Variants in XRN1 observed in about 807,000 individuals in gnomAD.
XRN1 encodes the protein 5'-3' exoribonuclease 1, also known as strand-exchange protein 1 homolog.
Under a neutral mutation model 222.3 loss-of-function variants are expected in XRN1, and 67 were observed. The observed-to-expected ratio is 0.30, with a 90% CI of 0.25 to 0.37. The LOEUF is 0.37. Among genes scored for constraint, XRN1 ranks in the 10% least tolerant of loss-of-function variants. The pLI, the probability that XRN1 is intolerant of heterozygous loss-of-function variation, is 1.00. For missense variants in XRN1, 1,707 were observed against 2,000.2 expected (o/e 0.85, Z 2.80); for synonymous variants, 643 against 652.4 (o/e 0.99, Z 0.22).
At chr3:142,359,963 A>G (rs2066571480) in intron 29 of XRN1, 32 bp from the exon 30 acceptor site, 4 of 1,461,882 alleles carry the variant, frequency 2.7e-6, no homozygotes, top group Non-Finnish European at 3.7e-6. Flanking sequence ...AAGAGACACT[A>G]AAAAATCATA....
intron 37 of XRN1, among the ~76,000 whole-genome samples, chr3:142,327,543 C>A (rs929759054): frequency 4.7e-4 from 70 of 150,256 alleles, no homozygotes; most frequent in African/African-American, 1.6e-3. Flanking sequence ...AAAAAAAAAA[C>A]AACTTTTTCT....
At chr3:142,387,443 T>TAA (rs2107960664) in intron 20 of XRN1, among the ~76,000 whole-genome samples, 1 of 152,268 alleles carries the variant, frequency 6.6e-6, no homozygotes, top group East Asian at 1.9e-4. Context: ...ATTCATCAAG[T>TAA]AATATACTTA....
chr3:142,379,114 T>C (rs373673989), intron 23 of XRN1, among the ~76,000 whole-genome samples: 1 of 146,898 alleles, frequency 6.8e-6, no homozygotes, highest in Non-Finnish European at 1.5e-5. Flanking sequence ...AAAAAAAAAA[T>C]ACAAAATTTA....
chr3:142,364,960 T>C, intron 29 of XRN1, 87 bp downstream of exon 29: 1 of 1,372,514 alleles, frequency 7.3e-7, no homozygotes, highest in South Asian at 1.5e-5. Flanking sequence ...ATAGTCACTT[T>C]CTGGTTAGAT....
At chr3:142,424,283 A>T (rs1277366880) in intron 5 of XRN1, among the ~76,000 whole-genome samples, 3 of 152,042 alleles carry the variant, frequency 2.0e-5, no homozygotes, top group Non-Finnish European at 4.4e-5. Flanking sequence ...TTTAGTAGAG[A>T]TGGGGTTTAG....
intron 1 of XRN1, chr3:142,434,873 A>G (rs1007261562): frequency 7.2e-5 from 11 of 152,204 alleles, no homozygotes; most frequent in Non-Finnish European, 4.4e-5. Context: ...ATCTTACGCT[A>G]AAACAAAAGA....
chr3:142,439,596 AGG>A (rs534769155), intron 1 of XRN1, among the ~76,000 whole-genome samples: 7 of 152,364 alleles, frequency 4.6e-5, no homozygotes, highest in Admixed American at 3.3e-4. Context: ...CTAATCTTAA[AGG>A]ACAAGTTTAT....
In XRN1 at chr3:142,418,774, G is replaced by C. The variant is rs747503190; in HGVS notation, c.1240+41C>G. On this transcript the variant is annotated intron_variant, in intron 11 of 40. Transcript: ENST00000392981. Reference sequence around the variant, plus strand: ...AAATAAAAGGTATAACAATTATCCTGTCAAAGTAGTAACATATCAAAACAC... The same window carrying C: ...AAATAAAAGGTATAACAATTATCCTCTCAAAGTAGTAACATATCAAAACAC... The C allele has an allele frequency of 1.1e-5, 18 of 1,594,986 alleles. No homozygotes were observed. In the South Asian group the frequency reaches 1.9e-4, roughly 17 times the overall value.
intron 2 of XRN1, among the ~76,000 whole-genome samples, chr3:142,428,974 C>T (rs1016338417): frequency 7.8e-4 from 119 of 151,744 alleles, no homozygotes; most frequent in African/African-American, 2.6e-3. Flanking sequence ...ATTTAAGAAA[C>T]ACAAAGGAAG....
intron 15 of XRN1, among the ~76,000 whole-genome samples, chr3:142,412,014 C>T (rs545296678): frequency 2.1e-4 from 32 of 151,764 alleles, no homozygotes; most frequent in Admixed American, 1.8e-3. Flanking sequence ...TTAGTAGAGA[C>T]GGGGTTTCAC....
At position 142,418,844 on chromosome 3, in the gene XRN1, T is replaced by C; in HGVS notation, c.1211A>G (p.Lys404Arg). Residue 404 changes from lysine (K) to arginine (R), a missense_variant, in exon 11 of 41, where the codon AAA becomes AGA. This residue lies in a region of XRN1 where 1,234 missense variants were observed against 1,518.2 expected (regional missense o/e 0.81). Coordinates refer to ENST00000392981, the MANE Select transcript of XRN1 (RefSeq NM_001282857.2). Reference sequence around the variant, plus strand: ...AGAAGTTATCATTTCGCCTTCATTTTTGTCTAAAGCAGTCCAACACAGAGA... The same window carrying C: ...AGAAGTTATCATTTCGCCTTCATTTCTGTCTAAAGCAGTCCAACACAGAGA... ...ENSLCWTALD[K>R]NEGEMITSKD... is the part of the protein sequence containing the mutation. 1 of 1,614,060 alleles carries C rather than the reference T, an allele frequency of 6.2e-7. No individual in the cohort carries two copies. Among genetic ancestry groups the C allele is most frequent in the Non-Finnish European group, 8.5e-7 (1 of 1,179,962 alleles).
At chr3:142,390,784 C>T (rs987903095) in intron 20 of XRN1, among the ~76,000 whole-genome samples, 1 of 152,156 alleles carries the variant, frequency 6.6e-6, no homozygotes, top group Non-Finnish European at 1.5e-5. Context: ...TTTGACATGC[C>T]TTCTTCACTA....
intron 29 of XRN1, among the ~76,000 whole-genome samples, chr3:142,362,168 C>T (rs554253552): frequency 9.7e-4 from 147 of 151,258 alleles, no homozygotes; most frequent in African/African-American, 3.3e-3. Context: ...GATGGAGTCT[C>T]GATCTGTCGC....
At chr3:142,418,284 A>G in intron 12 of XRN1, 3 of 442,384 alleles carry the variant, frequency 6.8e-6, no homozygotes, top group Admixed American at 4.1e-5. Flanking sequence ...ATCCTTATAC[A>G]TAAGGATCAT....
At chr3:142,446,013 A>G (rs897239410) in intron 1 of XRN1, among the ~76,000 whole-genome samples, 11 of 152,236 alleles carry the variant, frequency 7.2e-5, no homozygotes, top group Admixed American at 1.3e-4. Context: ...TCTAGAGACT[A>G]TTGATAGTTT....
chr3:142,365,469 A>C, intron 27 of XRN1, 103 bp from the exon 28 acceptor site: 1 of 814,260 alleles, frequency 1.2e-6, no homozygotes, highest in Non-Finnish European at 1.8e-6. Flanking sequence ...AGCCAAATGA[A>C]GAGATTAATT....
chr3:142,373,250 T>C (rs2067040351), intron 25 of XRN1, among the ~76,000 whole-genome samples: 1 of 151,788 alleles, frequency 6.6e-6, no homozygotes, highest in Admixed American at 6.6e-5. Context: ...TTAAATCAAA[T>C]AGAAATTTTA....
intron 29 of XRN1, 111 bp from the exon 30 acceptor site, chr3:142,360,042 A>G (rs1000788389): frequency 2.8e-5 from 17 of 611,854 alleles, no homozygotes; most frequent in Non-Finnish European, 4.2e-5. Context: ...TAGATATGAT[A>G]TAAAATATTC....
chr3:142,447,717 G>C lies in XRN1; in HGVS notation c.75+153C>G, dbSNP rs1172201724. 6.6e-6 allele frequency among the ~76,000 whole-genome samples: 1 copy of C among 152,156 alleles called. No individual in the cohort carries two copies. Among genetic ancestry groups the C allele is most frequent in the Admixed American group, 6.5e-5 (1 of 15,276 alleles). ...CCTTAGCCCCTTTCGGCTCATCCGG[G>C]CGTCCTCAAACCTTCCGTCCCCCTC... On this transcript the variant is annotated intron_variant, in intron 1 of 40. Coordinates refer to ENST00000392981, the MANE Select transcript of XRN1 (RefSeq NM_001282857.2). This position sits in a 1 kb window ranked among gnomAD's most constrained non-coding sequence, Gnocchi z 4.2.
Sources: allele counts gnomAD v4.1 joint callset (sites outside exome capture counted in the v4.1 genomes callset), GRCh38; gene constraint gnomAD v4.1.1; regional missense constraint gnomAD v4.1.1; non-coding constraint Gnocchi (gnomAD v3.1); transcripts MANE v1.5; gene names NCBI Gene and HGNC (gene_info 2026-07-23, HGNC 2026-07-21).